The following GRAMD4 variants were observed in gnomAD, a reference collection of about 807,000 sequenced individuals.
GRAMD4 encodes the protein GRAM domain containing 4.
A neutral mutation model predicts 83.9 loss-of-function variants in GRAMD4; 25 were observed. That is an observed-to-expected ratio of 0.30 (90% CI 0.22 to 0.42). The LOEUF is 0.42. Among genes scored for constraint, GRAMD4 ranks in the 10% least tolerant of loss-of-function variants. The pLI is 1.00. For synonymous variants in GRAMD4, 336 were observed against 320.9 expected (o/e 1.05, Z -0.50); for missense variants, 593 against 788.7 (o/e 0.75, Z 2.97).
intron 5 of GRAMD4, 52 bp downstream of exon 5, chr22:46,661,494 C>G: frequency 8.1e-7 from 1 of 1,227,360 alleles, no homozygotes; most frequent in Non-Finnish European, 1.2e-6. Flanking sequence ...GGTGGCTGCG[C>G]GTCACCTGCT....
At chr22:46,673,927 C>T in intron 15 of GRAMD4, 113 bp downstream of exon 15, 1 of 1,141,402 alleles carries the variant, frequency 8.8e-7, no homozygotes, top group Admixed American at 1.9e-5. Context: ...CAGAGGAGCC[C>T]TCAGGATGGC....
intron 3 of GRAMD4, among the ~76,000 whole-genome samples, chr22:46,644,516 C>G (rs1021417552): frequency 1.3e-5 from 2 of 152,118 alleles, no homozygotes; most frequent in African/African-American, 2.4e-5. Context: ...ACACCTGCCC[C>G]TGTTCCGTGT....
At chr22:46,598,731 A>G (rs961232032) in intron 1 of GRAMD4, among the ~76,000 whole-genome samples, 4 of 151,130 alleles carry the variant, frequency 2.6e-5, no homozygotes, top group Non-Finnish European at 5.9e-5. Context: ...GGCCAAGTAT[A>G]CCCGAAATTG....
upstream of GRAMD4, among the ~76,000 whole-genome samples, chr22:46,576,865 G>C (rs1323963418): frequency 7.0e-6 from 1 of 142,074 alleles, no homozygotes; most frequent in Non-Finnish European, 1.5e-5. Context: ...GCGGCCGCGC[G>C]TGCGCGTGGG....
chr22:46,623,368 G>A (rs900951130), intron 1 of GRAMD4, among the ~76,000 whole-genome samples: 1 of 152,168 alleles, frequency 6.6e-6, no homozygotes, highest in African/African-American at 2.4e-5. Flanking sequence ...GCCCGGGTTA[G>A]CTTTAGTTTC....
Position 46,621,776 on chromosome 22 carries a change from C to T in GRAMD4, c.-50+1211C>T, listed in dbSNP as rs913991165. On this transcript the variant is annotated intron_variant, in intron 1 of 18. Transcript: ENST00000406902. The surrounding 1 kb of genome is among the most constrained non-coding windows in gnomAD (Gnocchi z 5.8). ...GCAGGCGCAGGCTGGAAGTGTAGCC[C>T]GGGCCCATCCCTGGTGGTGAAGGCT... 2.6e-5 allele frequency among the ~76,000 whole-genome samples: 4 copies of T among 152,200 alleles called. No individual in the cohort carries two copies. The highest frequency in any genetic ancestry group is 7.2e-5 in the African/African-American group (3 of 41,442).
At chr22:46,634,514 C>A (rs1483955746) in intron 2 of GRAMD4, among the ~76,000 whole-genome samples, 1 of 152,228 alleles carries the variant, frequency 6.6e-6, no homozygotes, top group African/African-American at 2.4e-5. Flanking sequence ...GGAGCAAAGG[C>A]AGGAGCCAGG....
At chr22:46,661,184 C>G (rs1045314736) in intron 4 of GRAMD4, among the ~76,000 whole-genome samples, 197 bp from the exon 5 acceptor site, 1 of 152,058 alleles carries the variant, frequency 6.6e-6, no homozygotes, top group Non-Finnish European at 1.5e-5. Context: ...AAAACGTGTG[C>G]CTGTTAGGAA....
intron 2 of GRAMD4, among the ~76,000 whole-genome samples, chr22:46,630,928 G>T (rs1337476076): frequency 6.7e-6 from 1 of 149,656 alleles, no homozygotes; most frequent in Non-Finnish European, 1.5e-5. Context: ...CTCCCTCGAG[G>T]GCCGTGTGCC....
At chr22:46,669,657 C>A (rs569060010) in intron 13 of GRAMD4, among the ~76,000 whole-genome samples, 1 of 151,672 alleles carries the variant, frequency 6.6e-6, no homozygotes, top group East Asian at 1.9e-4. Context: ...CTCACTGCAA[C>A]CTCCGCCTCC....
intron 3 of GRAMD4, among the ~76,000 whole-genome samples, chr22:46,640,160 T>G (rs979025181): frequency 3.9e-5 from 6 of 152,228 alleles, no homozygotes; most frequent in African/African-American, 1.4e-4. Context: ...GGCTGCCTTA[T>G]CCGCTGAACC....
In GRAMD4 at chr22:46,585,433, G is replaced by A. The variant is rs572932690; in HGVS notation, c.-50+8143G>A. Among the ~76,000 whole-genome samples the A allele has an allele frequency of 1.6e-3, 244 of 152,188 alleles. 3 individuals carry two copies. The Middle Eastern group carries it at 0.017, about 11-fold the overall frequency. ...TCAAACTCCTGACCTCAGGTGATCCGCCTGCCTCCACCTCCCAAAGTGCTG... is the reference window on the plus strand; with the variant it reads ...TCAAACTCCTGACCTCAGGTGATCCACCTGCCTCCACCTCCCAAAGTGCTG... On this transcript the variant is annotated intron_variant, in intron 1 of 1. Transcript: ENST00000431155.
At chr22:46,637,742 GCCATCCTGGGGCC>G in intron 2 of GRAMD4, 85 bp from the exon 3 acceptor site, 2 of 1,317,026 alleles carry the variant, frequency 1.5e-6, no homozygotes. Context: ...TGCCACTGCT[GCCATCCTGGGGCC>G]CCTGGGCACC....
intron 2 of GRAMD4, among the ~76,000 whole-genome samples, chr22:46,628,438 C>T (rs1241680080): frequency 1.4e-5 from 2 of 139,752 alleles, no homozygotes; most frequent in African/African-American, 2.7e-5. Context: ...GTCTGAGGGG[C>T]GGGTGGACTG....
At chr22:46,630,406 C>T (rs932681958) in intron 2 of GRAMD4, among the ~76,000 whole-genome samples, 4 of 152,138 alleles carry the variant, frequency 2.6e-5, no homozygotes, top group African/African-American at 7.2e-5. Context: ...TGAATGCCTG[C>T]GATTGAGTGT....
At chr22:46,680,394 C>T (rs1191613782), downstream of GRAMD4, among the ~76,000 whole-genome samples, 2 of 151,984 alleles carry the variant, frequency 1.3e-5, no homozygotes, top group Non-Finnish European at 2.9e-5. Flanking sequence ...AGGCAGAGAC[C>T]TCCCCAGGTT....
In GRAMD4 at chr22:46,622,912, TAAA is replaced by T. The variant is rs1244826706; in HGVS notation, c.-50+2364_-50+2366del. Among the ~76,000 whole-genome samples, 3 of 110,278 alleles carry T rather than the reference TAAA, an allele frequency of 2.7e-5. No individual in the cohort carries two copies. The highest frequency in any genetic ancestry group is 9.3e-5 in the Admixed American group (1 of 10,806). 72.3% of individuals were successfully genotyped at this position (110,278 alleles called of 152,430 possible). On this transcript the variant is annotated intron_variant, in intron 1 of 18. Transcript: ENST00000406902. The surrounding 1 kb of genome is among the most constrained non-coding windows in gnomAD (Gnocchi z 4.0). ...GGGCGACAGAGCAAGACTCCATCTCTAAAAAAAAAAAAAAAAAAACTGATGAAA... is the reference window on the plus strand; with the variant it reads ...GGGCGACAGAGCAAGACTCCATCTCTAAAAAAAAAAAAAAAACTGATGAAA...
rs375479472 is a variant in GRAMD4 at position 46,661,405 on chromosome 22, G to T, written c.429G>T (p.Gln143His). The change falls in exon 5 of 19, where the codon CAG becomes CAT. Residue 143 changes from glutamine to histidine, a missense_variant. Physicochemically the swap from Gln to His is conservative, Grantham distance 24. Coordinates refer to ENST00000406902, the MANE Select transcript of GRAMD4 (RefSeq NM_015124.5). The part of the protein sequence containing the change: ...KARTEEQMAQ[Q>H]PPKGQAQASN... ...GAACCGAGGAGCAGATGGCTCAGCA[G>T]CCCCCAAAAGGGCAGGCCCAGGCCA... 166 of 1,612,132 alleles carry T rather than the reference G, an allele frequency of 1.0e-4. No individual in the cohort carries two copies. Among genetic ancestry groups the T allele is most frequent in the Non-Finnish European group, 1.4e-4 (164 of 1,179,780 alleles).
intron 1 of GRAMD4, among the ~76,000 whole-genome samples, chr22:46,582,920 CTT>C (rs1434221435): frequency 1.3e-5 from 2 of 152,172 alleles, no homozygotes; most frequent in Non-Finnish European, 2.9e-5. Context: ...TGGTGACCAC[CTT>C]TCTCTCTCTT....
Sources: allele counts gnomAD v4.1 joint callset (sites outside exome capture counted in the v4.1 genomes callset), GRCh38; gene constraint gnomAD v4.1.1; non-coding constraint Gnocchi (gnomAD v3.1); transcripts MANE v1.5; gene names NCBI Gene and HGNC (gene_info 2026-07-23, HGNC 2026-07-21).